Variants in MICAL2 observed in about 807,000 individuals in gnomAD.
MICAL2 encodes the protein microtubule associated monooxygenase, calponin and LIM domain containing 2.
Under a neutral mutation model 127.3 loss-of-function variants are expected in MICAL2, and 77 were observed. That is an observed-to-expected ratio of 0.60 (90% CI 0.50 to 0.73). MICAL2 has a LOEUF of 0.73. MICAL2 is among the 30% of genes least tolerant of loss of function. MICAL2 has a pLI of 0.00. For synonymous variants in MICAL2, 570 were observed against 551.1 expected (o/e 1.03, Z -0.48); for missense variants, 1,351 against 1,434.4 (o/e 0.94, Z 0.94).
At chr11:12,222,794 G>C in intron 11 of MICAL2, 51 bp downstream of exon 11, 1 of 1,604,500 alleles carries the variant, frequency 6.2e-7, no homozygotes, top group East Asian at 2.2e-5. Flanking sequence ...TGAACAGTGG[G>C]AAGAGGTGGT....
At position 12,262,537 on chromosome 11, in the gene MICAL2, G is replaced by A. The variant is rs773366972; in HGVS notation, c.*17G>A. On this transcript the variant is annotated splice_region_variant and 3_prime_UTR_variant, in exon 27 of 28. Coordinates refer to ENST00000683283, the MANE Select transcript of MICAL2 (RefSeq NM_001282663.2). ...CTTGGCTGACACACTTCTGCTCTAAGGTGACTGGTTTTCTTGCCAATTTTC... is the reference window on the plus strand; with the variant it reads ...CTTGGCTGACACACTTCTGCTCTAAAGTGACTGGTTTTCTTGCCAATTTTC... 1.2e-6 allele frequency: 2 copies of A among 1,611,650 alleles called. No homozygotes were observed. The highest frequency in any genetic ancestry group is 4.5e-5 in the East Asian group (2 of 44,876).
intron 32 of MICAL2, among the ~76,000 whole-genome samples, chr11:12,330,702 A>G (rs1864405787): frequency 6.6e-6 from 1 of 151,980 alleles, no homozygotes; most frequent in Non-Finnish European, 1.5e-5. Flanking sequence ...GTTTTTCCCC[A>G]TTTTGTCAAG....
chr11:12,239,657 T>C, intron 17 of MICAL2, 72 bp downstream of exon 17: 2 of 1,548,172 alleles, frequency 1.3e-6, no homozygotes, highest in Non-Finnish European at 1.8e-6. Context: ...TGGCTGCTGA[T>C]AGACTTCAGA....
At chr11:12,213,755 C>T (rs1855808704) in intron 7 of MICAL2, among the ~76,000 whole-genome samples, 1 of 152,152 alleles carries the variant, frequency 6.6e-6, no homozygotes, top group Non-Finnish European at 1.5e-5. Flanking sequence ...TATAAACCAT[C>T]CTAAGGCAGG....
chr11:12,231,213 T>C (rs1254051822), intron 15 of MICAL2, among the ~76,000 whole-genome samples: 1 of 152,230 alleles, frequency 6.6e-6, no homozygotes, highest in African/African-American at 2.4e-5. Flanking sequence ...TGTACACATA[T>C]GCAGAACACC....
chr11:12,245,308 T>TG (rs1860581481), intron 21 of MICAL2, among the ~76,000 whole-genome samples: 1 of 152,134 alleles, frequency 6.6e-6, no homozygotes, highest in Non-Finnish European at 1.5e-5. Flanking sequence ...CACGTGCCGC[T>TG]GCCAGAAGGA....
chr11:12,293,403 T>C (rs78305920), downstream of MICAL2, among the ~76,000 whole-genome samples: 2,960 of 152,138 alleles, frequency 0.019, 94 homozygotes, highest in African/African-American at 0.067. Context: ...ACAAAGAGTA[T>C]CCCTTTAAAA....
intron 29 of MICAL2, among the ~76,000 whole-genome samples, chr11:12,301,311 C>T (rs1864043639): frequency 6.6e-6 from 1 of 152,160 alleles, no homozygotes; most frequent in Non-Finnish European, 1.5e-5. Context: ...GGGGATTTAT[C>T]CATGTTATGT....
intron 25 of MICAL2, 187 bp from the exon 26 acceptor site, chr11:12,259,608 T>C: frequency 2.0e-6 from 1 of 494,206 alleles, no homozygotes. Flanking sequence ...GTGACTCCTA[T>C]GGTCAGTTGG....
At chr11:12,316,225 T>C (rs1481692614) in intron 29 of MICAL2, among the ~76,000 whole-genome samples, 1 of 151,970 alleles carries the variant, frequency 6.6e-6, no homozygotes, top group Non-Finnish European at 1.5e-5. Flanking sequence ...AGTCTGACAA[T>C]ATCTTCTTTT....
chr11:12,300,213 G>C (rs1864031973), intron 29 of MICAL2, among the ~76,000 whole-genome samples: 2 of 152,238 alleles, frequency 1.3e-5, no homozygotes, highest in African/African-American at 4.8e-5. Flanking sequence ...AGAATTGATT[G>C]AACCCAGGAG....
upstream of MICAL2, among the ~76,000 whole-genome samples, chr11:12,271,104 T>C (rs1228458085): frequency 2.6e-5 from 4 of 152,176 alleles, no homozygotes; most frequent in Non-Finnish European, 5.9e-5. Flanking sequence ...CTTAGGATCT[T>C]TGAAGTCCTA....
chr11:12,244,285 C>T (rs957683908), intron 21 of MICAL2, among the ~76,000 whole-genome samples, 173 bp downstream of exon 21: 8 of 152,298 alleles, frequency 5.3e-5, no homozygotes, highest in Admixed American at 6.5e-5. Flanking sequence ...GCACACAACA[C>T]GGCAGAACAG....
At chr11:12,193,139 GT>G (rs1196396852) in intron 3 of MICAL2, among the ~76,000 whole-genome samples, 1 of 152,156 alleles carries the variant, frequency 6.6e-6, no homozygotes, top group African/African-American at 2.4e-5. Flanking sequence ...ATTAAATCAT[GT>G]TCAGACTCCT....
chr11:12,251,481 C>T (rs1189684470), intron 22 of MICAL2, among the ~76,000 whole-genome samples: 1 of 148,284 alleles, frequency 6.7e-6, no homozygotes, highest in East Asian at 2.0e-4. Context: ...AAGTGCTGGT[C>T]TACCTCTTGG....
At chr11:12,115,912 C>A (rs1849975968) in intron 1 of MICAL2, among the ~76,000 whole-genome samples, 1 of 151,810 alleles carries the variant, frequency 6.6e-6, no homozygotes, top group Non-Finnish European at 1.5e-5. Context: ...TTGCTTGGAT[C>A]ATTATTTCCA....
chr11:12,208,924 G>T (rs1157791717), intron 5 of MICAL2, among the ~76,000 whole-genome samples: 1 of 152,216 alleles, frequency 6.6e-6, no homozygotes, highest in Non-Finnish European at 1.5e-5. Context: ...TTTGGAGCAG[G>T]ACAGCATTCA....
In MICAL2 at chr11:12,337,468, G is replaced by A. The variant is rs1344241491; in HGVS notation, c.5515+10202G>A. Among the ~76,000 whole-genome samples the A allele has an allele frequency of 5.9e-5, 9 of 151,806 alleles. 1 individual carries two copies. The highest frequency in any genetic ancestry group is 1.2e-4 in the African/African-American group (5 of 41,306). The stretch of plus-strand genomic sequence containing the variant: ...CTCTATTTCCTTCAGTTCTGCTCTG[G>A]TCTTAGTTATTTCTTGCCTTCTGCT... On this transcript the variant is annotated intron_variant, in intron 32 of 34. Transcript: ENST00000646065.
intron 14 of MICAL2, 105 bp downstream of exon 14, chr11:12,226,475 A>T: frequency 8.4e-7 from 1 of 1,194,836 alleles, no homozygotes; most frequent in Non-Finnish European, 1.2e-6. Flanking sequence ...GGGGCTGCCC[A>T]GTGTGTTCCC....
Sources: allele counts gnomAD v4.1 joint callset (sites outside exome capture counted in the v4.1 genomes callset), GRCh38; gene constraint gnomAD v4.1.1; transcripts MANE v1.5; gene names NCBI Gene and HGNC (gene_info 2026-07-23, HGNC 2026-07-21).